The following HBS1L variants were observed in gnomAD, a reference collection of about 807,000 sequenced individuals.
The protein encoded by HBS1L is HBS1-like protein.
HBS1L carries 55 observed loss-of-function variants against 88.9 expected under a neutral mutation model. The observed-to-expected ratio is 0.62, with a 90% CI of 0.50 to 0.77. HBS1L has a LOEUF of 0.77. HBS1L is among the 30% of genes least tolerant of loss of function. The probability of loss-of-function intolerance (pLI) is 0.00; values close to 1 mark genes in which losing one functional copy is unlikely to be tolerated. For synonymous variants in HBS1L, 267 were observed against 288.5 expected, an observed-to-expected ratio of 0.93 and a Z score of 0.76; for missense variants, 741 against 829.3, an observed-to-expected ratio of 0.89 and a Z score of 1.31.
chr6:134,967,022 T>A (rs1420620060), intron 16 of HBS1L, among the ~76,000 whole-genome samples: 2 of 152,162 alleles, frequency 1.3e-5, no homozygotes, highest in Admixed American at 6.5e-5. Flanking sequence ...CACACAGGAA[T>A]AATAGTTCCT....
Position 134,974,131 on chromosome 6 carries a change from C to T in HBS1L, c.1797+4548G>A, listed in dbSNP as rs539146117. Among the ~76,000 whole-genome samples, 71 of 152,010 alleles carry T rather than the reference C, an allele frequency of 4.7e-4. 1 individual carries two copies. The highest frequency in any genetic ancestry group is 1.7e-3 in the African/African-American group (69 of 41,482). On this transcript the variant is annotated intron_variant, in intron 15 of 17. Transcript: ENST00000367837. ...CATTTGAGACTACTATAAACACCTC[C>T]GTGCACACACTAGAAAATCTAGAGG...
At position 135,054,735 on chromosome 6, in the gene HBS1L, A is replaced by C. The variant is rs758951582; in HGVS notation, c.-44T>G. 1 of 1,612,178 alleles carries C rather than the reference A, an allele frequency of 6.2e-7. No homozygotes were observed. The highest frequency in any genetic ancestry group is 1.7e-5 in the Admixed American group (1 of 59,952). The stretch of plus-strand genomic sequence containing the variant: ...TGCCACAGCCCCTTAACTCCTTCCA[A>C]AACACTCCGCTTAGATACTGATAAG... On this transcript the variant is annotated 5_prime_UTR_variant, in exon 1 of 18. Coordinates refer to ENST00000367837, the MANE Select transcript of HBS1L (RefSeq NM_006620.4).
intron 2 of HBS1L, among the ~76,000 whole-genome samples, chr6:135,042,382 A>G (rs1776767415): frequency 6.6e-6 from 1 of 152,108 alleles, no homozygotes; most frequent in African/African-American, 2.4e-5. Flanking sequence ...CACTCAGCCT[A>G]CTTTCTCCCT....
intron 4 of HBS1L, among the ~76,000 whole-genome samples, 187 bp downstream of exon 4, chr6:135,039,386 G>A (rs1776656527): frequency 6.6e-6 from 1 of 151,838 alleles, no homozygotes. Flanking sequence ...GGCTACAACA[G>A]AAGAAACACA....
At chr6:135,015,386 T>G (rs1359435343) in intron 4 of HBS1L, among the ~76,000 whole-genome samples, 1 of 152,146 alleles carries the variant, frequency 6.6e-6, no homozygotes, top group Admixed American at 6.5e-5. Flanking sequence ...CATGGCTGAT[T>G]AGTGGAGTTC....
intron 4 of HBS1L, among the ~76,000 whole-genome samples, chr6:135,008,653 T>C (rs1223309136): frequency 6.6e-6 from 1 of 152,146 alleles, no homozygotes; most frequent in African/African-American, 2.4e-5. Context: ...GTATATTCAT[T>C]TGTGAAGGAT....
At chr6:135,037,803 T>A (rs1418663205) in intron 4 of HBS1L, 1 of 1,548,330 alleles carries the variant, frequency 6.5e-7, no homozygotes, top group South Asian at 1.2e-5. Flanking sequence ...GTTCTTTTGT[T>A]AACTTACATG....
At chr6:134,999,244 C>G (rs1775376941) in intron 5 of HBS1L, among the ~76,000 whole-genome samples, 1 of 152,080 alleles carries the variant, frequency 6.6e-6, no homozygotes, top group Non-Finnish European at 1.5e-5. Context: ...TCAAAGCAGA[C>G]AGCTATGGTG....
chr6:135,038,279 G>C (rs1293211463), intron 4 of HBS1L, among the ~76,000 whole-genome samples: 1 of 152,052 alleles, frequency 6.6e-6, no homozygotes, highest in African/African-American at 2.4e-5. Flanking sequence ...ATGTAAGTCA[G>C]TCAATGTTCT....
intron 4 of HBS1L, among the ~76,000 whole-genome samples, chr6:135,032,417 T>C (rs1776414583): frequency 6.6e-6 from 1 of 152,138 alleles, no homozygotes; most frequent in Admixed American, 6.5e-5. Context: ...TCATTATAAA[T>C]ATATAGGTAA....
At chr6:134,978,551 G>A in intron 15 of HBS1L, 128 bp downstream of exon 15, 1 of 483,620 alleles carries the variant, frequency 2.1e-6, no homozygotes. Context: ...AGTTTTTCTG[G>A]ATTACAGTAA....
intron 4 of HBS1L, among the ~76,000 whole-genome samples, chr6:135,008,159 C>T (rs1775664998): frequency 6.6e-6 from 1 of 152,166 alleles, no homozygotes; most frequent in South Asian, 2.1e-4. Flanking sequence ...AAATCATGAT[C>T]ACCCAAAAGA....
intron 8 of HBS1L, among the ~76,000 whole-genome samples, chr6:134,990,662 C>A (rs1490325320): frequency 6.6e-6 from 1 of 152,182 alleles, no homozygotes; most frequent in African/African-American, 2.4e-5. Flanking sequence ...GTGATTCTCC[C>A]ACTTCAGTTT....
intron 5 of HBS1L, 140 bp downstream of exon 5, chr6:135,002,594 T>C (rs1021196173): frequency 1.7e-6 from 1 of 580,446 alleles, no homozygotes; most frequent in Non-Finnish European, 3.1e-6. Flanking sequence ...CTTTGTACTA[T>C]GTTATACTGA....
intron 2 of HBS1L, among the ~76,000 whole-genome samples, chr6:135,049,174 G>A (rs1451664380): frequency 2.6e-5 from 4 of 152,206 alleles, no homozygotes; most frequent in African/African-American, 9.7e-5. Flanking sequence ...CAGAGGCTAG[G>A]AAGTCCAAGA....
chr6:135,002,275 C>T (rs551798502), intron 5 of HBS1L, among the ~76,000 whole-genome samples: 6 of 152,104 alleles, frequency 3.9e-5, no homozygotes, highest in African/African-American at 1.4e-4. Flanking sequence ...TACAATGGTC[C>T]AATTTACGTC....
chr6:134,987,965 T>C (rs765025128), intron 8 of HBS1L, among the ~76,000 whole-genome samples, 174 bp from the exon 9 acceptor site: 2 of 151,658 alleles, frequency 1.3e-5, no homozygotes, highest in Non-Finnish European at 2.9e-5. Flanking sequence ...AAAATAAAAG[T>C]CACCAAAAAT....
At position 135,037,074 on chromosome 6, in the gene HBS1L, T is replaced by G. The variant is rs144670598; in HGVS notation, c.430+2499A>C. 7.4e-4 allele frequency: 1,146 copies of G among 1,551,660 alleles called. 5 individuals carry two copies. The African/African-American group carries it at 0.014, about 19-fold the overall frequency. On this transcript the variant is annotated intron_variant, in intron 4 of 17. Transcript: ENST00000367837. ...TAATCTGAGAGTTGTCTACATCAAT[T>G]GTTTCTGCAATCAATTCAGAAAGTG...
intron 8 of HBS1L, among the ~76,000 whole-genome samples, chr6:134,989,106 T>C (rs1775061024): frequency 6.6e-6 from 1 of 152,226 alleles, no homozygotes. Flanking sequence ...CTTTACAGGT[T>C]CCCACTATTC....
Sources: gnomAD v4.1 joint callset for allele counts (sites outside exome capture counted in the v4.1 genomes callset) on GRCh38, gnomAD v4.1.1 for gene constraint, MANE v1.5 for transcripts, NCBI Gene and HGNC (gene_info 2026-07-23, HGNC 2026-07-21) for gene names.